Variants in ANAPC10 observed in about 807,000 individuals in gnomAD.
ANAPC10 encodes the protein anaphase promoting complex subunit 10.
A neutral mutation model predicts 22.0 loss-of-function variants in ANAPC10; 12 were observed. That is an observed-to-expected ratio of 0.55 (90% CI 0.35 to 0.88). ANAPC10 has a LOEUF of 0.88. Ranked by LOEUF, ANAPC10 falls within the 40% of genes least tolerant of loss-of-function variation. The probability of loss-of-function intolerance (pLI) is 0.01; values close to 1 mark genes in which losing one functional copy is unlikely to be tolerated. For missense variants in ANAPC10, 188 were observed against 220.9 expected (o/e 0.85, Z 0.94); for synonymous variants, 65 against 69.5 (o/e 0.94, Z 0.32).
intron 4 of ANAPC10, among the ~76,000 whole-genome samples, chr4:145,026,945 A>ATATATGTGTG (rs1287102797): frequency 1.2e-3 from 20 of 17,148 alleles, no homozygotes; most frequent in South Asian, 5.3e-3. Flanking sequence ...ATATATATAT[A>ATATATGTGTG]TGTGTGTGTG....
At chr4:145,053,571 C>A in intron 4 of ANAPC10, 1 of 419,402 alleles carries the variant, frequency 2.4e-6, no homozygotes, top group South Asian at 7.7e-5. Context: ...TGTTTTGTAC[C>A]ATCAACTATA....
chr4:145,074,434 A>C (rs569968044), intron 3 of ANAPC10, among the ~76,000 whole-genome samples: 116 of 152,236 alleles, frequency 7.6e-4, no homozygotes, highest in Non-Finnish European at 1.3e-3. Flanking sequence ...CTGATAGAAC[A>C]GCACCTTCCT....
intron 4 of ANAPC10, among the ~76,000 whole-genome samples, chr4:145,017,254 A>T (rs949770406): frequency 1.6e-4 from 24 of 152,162 alleles, no homozygotes; most frequent in African/African-American, 5.3e-4. Context: ...GAATCTACAA[A>T]GAACTCAAAC....
At chr4:145,055,092 T>C (rs1210373864) in intron 4 of ANAPC10, among the ~76,000 whole-genome samples, 4 of 152,148 alleles carry the variant, frequency 2.6e-5, no homozygotes, top group African/African-American at 9.7e-5. Context: ...CATCTGCATA[T>C]ATACCCAAAA....
chr4:145,024,230 C>G (rs1260267139), intron 4 of ANAPC10, among the ~76,000 whole-genome samples: 1 of 152,134 alleles, frequency 6.6e-6, no homozygotes, highest in Non-Finnish European at 1.5e-5. Context: ...AGTCTTGAAC[C>G]TCTCAAAGTC....
chr4:145,074,278 T>C (rs1299790984), intron 3 of ANAPC10, among the ~76,000 whole-genome samples: 4 of 151,992 alleles, frequency 2.6e-5, no homozygotes, highest in Non-Finnish European at 5.9e-5. Context: ...TAGGACTTAT[T>C]TCTCCTAACT....
At chr4:145,021,483 T>C (rs1467043944) in intron 4 of ANAPC10, among the ~76,000 whole-genome samples, 4 of 152,086 alleles carry the variant, frequency 2.6e-5, no homozygotes, top group Non-Finnish European at 4.4e-5. Context: ...TATAGGACAA[T>C]GAAACTGGAT....
chr4:145,040,118 A>AGT (rs1449939432), intron 4 of ANAPC10, among the ~76,000 whole-genome samples: 2 of 102,188 alleles, frequency 2.0e-5, no homozygotes, highest in African/African-American at 7.4e-5. Context: ...CTTTTGTTTT[A>AGT]GTGTGTGTGT....
At chr4:145,085,502 T>C (rs1401934610) in intron 2 of ANAPC10, among the ~76,000 whole-genome samples, 1 of 151,992 alleles carries the variant, frequency 6.6e-6, no homozygotes, top group Non-Finnish European at 1.5e-5. Flanking sequence ...CTTTATTATG[T>C]ATGTGCTCAA....
At chr4:145,079,358 TAA>T (rs1745623175) in intron 3 of ANAPC10, among the ~76,000 whole-genome samples, 1 of 151,558 alleles carries the variant, frequency 6.6e-6, no homozygotes, top group African/African-American at 2.4e-5. Context: ...TGTTTATTAC[TAA>T]AAAGTCAAAA....
chr4:145,029,347 G>A (rs1325067117), intron 4 of ANAPC10, among the ~76,000 whole-genome samples: 1 of 152,088 alleles, frequency 6.6e-6, no homozygotes. Context: ...TTCTCCTCAG[G>A]AGCCACCCCC....
chr4:145,007,764 GA>G lies in ANAPC10; in HGVS notation c.328-12162del, dbSNP rs1733627584. On this transcript the variant is annotated intron_variant, in intron 4 of 4. Transcript: ENST00000507656. ...TGACACAATAACATCACAATTAAAA[GA>G]ACTAGAGAAGCAAGAGCAAACAAAT... 6.6e-5 allele frequency among the ~76,000 whole-genome samples: 10 copies of G among 151,532 alleles called. No individual in the cohort carries two copies. In the South Asian group the frequency reaches 2.1e-3, roughly 32 times the overall value.
In ANAPC10 at chr4:145,094,753, A is replaced by G. The variant is rs1579186333; in HGVS notation, c.115+1232T>C. On this transcript the variant is annotated intron_variant, in intron 2 of 4. Transcript: ENST00000507656. ...TGGCAAATGCCATGAACTCAAGAAT[A>G]AAGAGAAAAACCTTAGATGCTTCCA... Among the ~76,000 whole-genome samples the G allele has an allele frequency of 2.6e-5, 4 of 152,292 alleles. No homozygotes were observed. The South Asian group carries it at 8.3e-4, about 32-fold the overall frequency.
At chr4:145,096,148 A>T in intron 1 of ANAPC10, 37 bp from the exon 2 acceptor site, 3 of 1,589,200 alleles carry the variant, frequency 1.9e-6, no homozygotes, top group Non-Finnish European at 2.6e-6. Flanking sequence ...TTGTATCAGG[A>T]ACTGGGCATC....
chr4:144,998,169 C>T (rs1731919311), intron 4 of ANAPC10, among the ~76,000 whole-genome samples: 1 of 152,112 alleles, frequency 6.6e-6, no homozygotes, highest in African/African-American at 2.4e-5. Flanking sequence ...TTAGACAGAT[C>T]AATGAGACAG....
chr4:145,026,637 T>G (rs1282915201), intron 4 of ANAPC10, among the ~76,000 whole-genome samples: 2 of 149,818 alleles, frequency 1.3e-5, no homozygotes, highest in South Asian at 4.2e-4. Context: ...CACTCTTAAA[T>G]AAGAGAAAAT....
At chr4:145,009,896 T>C (rs1041881345) in intron 4 of ANAPC10, among the ~76,000 whole-genome samples, 6 of 152,062 alleles carry the variant, frequency 3.9e-5, no homozygotes, top group Non-Finnish European at 8.8e-5. Context: ...ACCTACAAAA[T>C]GGGAGAAAAT....
chr4:145,092,768 C>T (rs919205530), intron 2 of ANAPC10, among the ~76,000 whole-genome samples: 1 of 152,132 alleles, frequency 6.6e-6, no homozygotes, highest in Admixed American at 6.5e-5. Flanking sequence ...CTTCCAAACC[C>T]TTCTCTCCCA....
intron 4 of ANAPC10, among the ~76,000 whole-genome samples, chr4:144,997,757 A>G (rs1731848195): frequency 6.6e-6 from 1 of 152,180 alleles, no homozygotes; most frequent in Non-Finnish European, 1.5e-5. Context: ...AAATGGGCTA[A>G]ATGCTCCAAT....
Sources: gnomAD v4.1 joint callset for allele counts (sites outside exome capture counted in the v4.1 genomes callset) on GRCh38, gnomAD v4.1.1 for gene constraint, MANE v1.5 for transcripts, NCBI Gene and HGNC (gene_info 2026-07-23, HGNC 2026-07-21) for gene names.